Variants in TET3 observed in about 807,000 individuals in gnomAD.
TET3 encodes methylcytosine dioxygenase TET3.
TET3 carries 19 observed loss-of-function variants against 141.4 expected under a neutral mutation model. The ratio of observed to expected loss-of-function variants is 0.13; its 90% confidence interval spans 0.09 to 0.20. TET3 has a LOEUF of 0.20. Among genes scored for constraint, TET3 ranks in the 10% least tolerant of loss-of-function variants. TET3 has a pLI of 1.00. For synonymous variants in TET3, 1,043 were observed against 980.9 expected (o/e 1.06, Z -1.18); for missense variants, 1,874 against 2,356.9 (o/e 0.80, Z 4.24).
chr2:74,105,397 G>A lies in TET3; in HGVS notation c.*3221G>A, dbSNP rs747263779. ...CTACGAGATTTTTAAAATAAAAATC[G>A]CTTCGCAGCAGGTTCTCACAAAATA... On this transcript the variant is annotated 3_prime_UTR_variant, in exon 12 of 12. Coordinates refer to ENST00000409262, the MANE Select transcript of TET3 (RefSeq NM_001287491.2). 12 of 398,418 alleles carry A rather than the reference G, an allele frequency of 3.0e-5. No homozygotes were observed. Among genetic ancestry groups the A allele is most frequent in the Admixed American group, 1.3e-4 (3 of 22,690 alleles). 24.7% of individuals were successfully genotyped at this position (398,418 alleles called of 1,614,324 possible). A position where few individuals can be genotyped will look rare whatever the true frequency, so the allele number is the denominator to read the frequency against.
At chr2:74,080,642 T>C in intron 6 of TET3, 51 bp downstream of exon 6, 5 of 1,465,028 alleles carry the variant, frequency 3.4e-6, no homozygotes, top group Non-Finnish European at 4.6e-6. Context: ...TTCCCCTTGC[T>C]GCATGGCCAC....
intron 5 of TET3, among the ~76,000 whole-genome samples, chr2:74,074,688 A>T (rs189616218): frequency 6.6e-6 from 1 of 152,312 alleles, no homozygotes; most frequent in Non-Finnish European, 1.5e-5. Context: ...CAAAATAGAG[A>T]TGCTGATAAA....
chr2:74,048,764 C>G (rs191711527), intron 4 of TET3, among the ~76,000 whole-genome samples: 1 of 152,154 alleles, frequency 6.6e-6, no homozygotes, highest in Admixed American at 6.5e-5. Context: ...TGGGCAACAG[C>G]TTAGTGGCTA....
the TET3 span, among the ~76,000 whole-genome samples, chr2:74,131,519 C>G: frequency 1.3e-5 from 2 of 152,234 alleles, no homozygotes; most frequent in East Asian, 1.9e-4. Flanking sequence ...TACTGGCCAC[C>G]CTGTCCCCTA....
chr2:74,093,492 A>G lies in TET3; in HGVS notation c.3130-37A>G. On this transcript the variant is annotated intron_variant, in intron 9 of 11. Transcript: ENST00000409262. The surrounding 1 kb of genome is among the most constrained non-coding windows in gnomAD (Gnocchi z 4.2). ...GTGCAGAATCGGGGCCACTCACCTC[A>G]GGTCATGTGAGCACCTCTCCTTGGC... 6.5e-7 allele frequency: 1 copy of G among 1,548,106 alleles called. No homozygotes were observed. The highest frequency in any genetic ancestry group is 8.8e-7 in the Non-Finnish European group (1 of 1,141,608).
chr2:74,092,176 C>G (rs1184930438), intron 8 of TET3, among the ~76,000 whole-genome samples: 1 of 152,108 alleles, frequency 6.6e-6, no homozygotes, highest in East Asian at 1.9e-4. Flanking sequence ...CTGTGGGCAC[C>G]TCTAATCCCA....
intron 3 of TET3, among the ~76,000 whole-genome samples, chr2:74,029,604 TA>T (rs1372892273): frequency 1.3e-5 from 2 of 152,210 alleles, no homozygotes; most frequent in Non-Finnish European, 2.9e-5. Context: ...GTTGCATAGT[TA>T]AAAAAGATAC....
At chr2:74,114,479 A>T in the TET3 span, among the ~76,000 whole-genome samples, 1 of 152,178 alleles carries the variant, frequency 6.6e-6, no homozygotes, top group East Asian at 1.9e-4. Flanking sequence ...AATACACTTA[A>T]TGCCATTGAA....
chr2:74,121,656 G>A, the TET3 span: 2 of 152,216 alleles, frequency 1.3e-5, no homozygotes, highest in Admixed American at 1.3e-4. Flanking sequence ...GGAACTGATT[G>A]GTTTAATGAG....
In TET3 at chr2:74,100,902, G is replaced by A. The variant is rs765170498; in HGVS notation, c.4114G>A (p.Ala1372Thr). The change falls in exon 12 of 12, where the codon GCC (alanine) becomes ACC (threonine). Residue 1372 changes from alanine to threonine, a missense_variant. This residue lies in a region of TET3 where 602 missense variants were observed against 590.2 expected (regional missense o/e 1.02). Coordinates refer to ENST00000409262, the MANE Select transcript of TET3 (RefSeq NM_001287491.2). ...PGPKEYLLPK[A>T]PLLHSVSRDP... ...CCCCAAGGAGTATCTGCTTCCCAAG[G>A]CCCCCCTACTCCACTCAGTGTCCAG... 2.4e-5 allele frequency: 39 copies of A among 1,609,796 alleles called. No homozygotes were observed. Among genetic ancestry groups the A allele is most frequent in the Middle Eastern group, 1.6e-4 (1 of 6,082 alleles).
chr2:74,121,203 C>T, the TET3 span: 1 of 152,158 alleles, frequency 6.6e-6, no homozygotes, highest in East Asian at 1.9e-4. Context: ...AGACGGCAGA[C>T]TACTCAATGA....
chr2:74,122,244 A>G, the TET3 span: 1 of 152,012 alleles, frequency 6.6e-6, no homozygotes, highest in Non-Finnish European at 1.5e-5. Flanking sequence ...AGAGGCCCAG[A>G]AATTTGAAGT....
Position 74,101,490 on chromosome 2 carries a change from C to G in TET3, c.4702C>G (p.Pro1568Ala). 6.2e-7 allele frequency: 1 copy of G among 1,613,206 alleles called. No individual in the cohort carries two copies. The change falls in exon 12 of 12, where the codon CCA becomes GCA. Residue 1568 changes from proline to alanine, a missense_variant. Pro to Ala is a conservative substitution (Grantham distance 27). Transcript: ENST00000409262. The surrounding 1 kb of genome is among the most constrained non-coding windows in gnomAD (Gnocchi z 8.5). ...CATGAAAGGAGAGGAGGGCAGGATT[C>G]CAGCCGCAGGGGCCAGCCAGCTGGA... ...NPMKGEEGRI[P>A]AAGASQLDRA...
At chr2:74,029,766 T>G (rs1686572533) in intron 3 of TET3, among the ~76,000 whole-genome samples, 1 of 152,246 alleles carries the variant, frequency 6.6e-6, no homozygotes, top group Non-Finnish European at 1.5e-5. Context: ...TGACCTCTCT[T>G]TATTCTCTTG....
At chr2:74,053,140 T>C (rs143082572) in intron 4 of TET3, among the ~76,000 whole-genome samples, 105 of 152,320 alleles carry the variant, frequency 6.9e-4, no homozygotes, top group Admixed American at 1.2e-3. Flanking sequence ...AAAGATAATA[T>C]GATGTTTGCA....
intron 2 of TET3, among the ~76,000 whole-genome samples, chr2:74,002,063 G>A (rs1684875402): frequency 6.6e-6 from 1 of 152,118 alleles, no homozygotes; most frequent in Non-Finnish European, 1.5e-5. Flanking sequence ...TCTGAGGTGG[G>A]CGCTGGAGCA....
the TET3 span, among the ~76,000 whole-genome samples, chr2:74,117,037 G>A: frequency 6.6e-6 from 1 of 152,130 alleles, no homozygotes. Context: ...ATGGGCAAGG[G>A]GTATGTGAAA....
rs1211145179 is a variant in TET3, at chr2:74,073,556, A to T, written c.2502A>T (p.Ile834=). Reference sequence around the variant, plus strand: ...CTCTCTGTGTTTCTGCAGAACAAATAGTGGAGAAAGATGAAGGTCCATATT... The same window carrying T: ...CTCTCTGTGTTTCTGCAGAACAAATTGTGGAGAAAGATGAAGGTCCATATT... ...EFPTCDCVEQ[I]VEKDEGPYYT... The change falls in exon 5 of 12, where the codon ATA becomes ATT. Residue 834 remains isoleucine (I), a synonymous_variant. Transcript: ENST00000409262. 6.2e-7 allele frequency: 1 copy of T among 1,606,940 alleles called. No individual in the cohort carries two copies. The highest frequency in any genetic ancestry group is 1.1e-5 in the South Asian group (1 of 88,936).
At chr2:74,122,490 C>CATATATATATATAT in the TET3 span, 7 of 59,374 alleles carry the variant, frequency 1.2e-4, no homozygotes, top group South Asian at 1.2e-3. Context: ...TAAATACATA[C>CATATATATATATAT]ATATATATAT....
Sources: gnomAD v4.1 joint callset for allele counts (sites outside exome capture counted in the v4.1 genomes callset) on GRCh38, gnomAD v4.1.1 for gene constraint, gnomAD v4.1.1 regional missense constraint, Gnocchi (gnomAD v3.1) non-coding constraint, MANE v1.5 for transcripts, NCBI Gene and HGNC (gene_info 2026-07-23, HGNC 2026-07-21) for gene names.